The following WWOX variants were observed in gnomAD, a reference collection of about 807,000 sequenced individuals.
WWOX encodes WW domain-containing oxidoreductase.
WWOX carries 69 observed loss-of-function variants against 46.2 expected under a neutral mutation model. The observed-to-expected ratio is 1.49, with a 90% CI of 1.23 to 1.82. The LOEUF is 1.82. WWOX is among the 40% of genes most tolerant of loss of function. WWOX has a pLI of 0.00. For synonymous variants in WWOX, 359 were observed against 202.6 expected (o/e 1.77, Z -6.56); for missense variants, 919 against 542.6 (o/e 1.69, Z -6.89).
intron 8 of WWOX, among the ~76,000 whole-genome samples, chr16:78,651,311 G>A (rs987184735): frequency 2.0e-5 from 3 of 152,248 alleles, no homozygotes; most frequent in African/African-American, 7.2e-5. Flanking sequence ...GGTGCCAGAA[G>A]GCTGTGGTTC....
At chr16:78,252,215 G>A (rs1399917658) in intron 5 of WWOX, among the ~76,000 whole-genome samples, 1 of 152,180 alleles carries the variant, frequency 6.6e-6, no homozygotes. Flanking sequence ...ACAAATAGCA[G>A]ATGGGTTAGA....
At chr16:78,559,336 A>G (rs571475116) in intron 8 of WWOX, among the ~76,000 whole-genome samples, 1 of 152,196 alleles carries the variant, frequency 6.6e-6, no homozygotes, top group Non-Finnish European at 1.5e-5. Context: ...GGGCTCCTAG[A>G]ATAGTCCCGG....
At chr16:78,125,674 C>T (rs768545766) in intron 4 of WWOX, among the ~76,000 whole-genome samples, 2 of 152,016 alleles carry the variant, frequency 1.3e-5, no homozygotes, top group Non-Finnish European at 2.9e-5. Flanking sequence ...GCAGCCTGGG[C>T]AACATAGCAA....
intron 4 of WWOX, among the ~76,000 whole-genome samples, chr16:78,147,675 C>CTTT (rs33931881): frequency 4.7e-4 from 43 of 90,622 alleles, no homozygotes; most frequent in African/African-American, 1.2e-3. Context: ...TTCTTTCTTC[C>CTTT]TTTTTTTTTT....
chr16:78,743,446 G>A (rs1001596554), intron 8 of WWOX, among the ~76,000 whole-genome samples: 1 of 151,754 alleles, frequency 6.6e-6, no homozygotes, highest in Non-Finnish European at 1.5e-5. Context: ...CTACCCTCAA[G>A]AAGCATCATT....
Position 78,667,076 on chromosome 16 carries a change from G to C in WWOX, c.1056+234324G>C, listed in dbSNP as rs79016426. ...ATGGTCAGAGGAGTTTTGAGTATCG[G>C]ATCTTTGTGTACTTGCTTTTTAAAT... On this transcript the variant is annotated intron_variant, in intron 8 of 8. Coordinates refer to ENST00000566780, the MANE Select transcript of WWOX (RefSeq NM_016373.4). Among the ~76,000 whole-genome samples, 334 of 152,256 alleles carry C rather than the reference G, an allele frequency of 2.2e-3. 1 individual carries two copies. The highest frequency in any genetic ancestry group is 7.7e-3 in the African/African-American group (320 of 41,556).
chr16:79,048,156 C>A (rs371750576), intron 8 of WWOX, among the ~76,000 whole-genome samples: 2 of 152,184 alleles, frequency 1.3e-5, no homozygotes, highest in African/African-American at 4.8e-5. Context: ...CATGGAGAAG[C>A]TTCCTTCAAA....
chr16:78,991,366 G>A (rs1404606979), intron 8 of WWOX, among the ~76,000 whole-genome samples: 8 of 152,058 alleles, frequency 5.3e-5, no homozygotes, highest in African/African-American at 1.7e-4. Context: ...GGCTGAGATG[G>A]GAGGATCACT....
At chr16:78,591,505 T>C (rs1246842346) in intron 8 of WWOX, among the ~76,000 whole-genome samples, 1 of 152,188 alleles carries the variant, frequency 6.6e-6, no homozygotes, top group African/African-American at 2.4e-5. Flanking sequence ...CCTCACTTTA[T>C]AGTCCTCATT....
chr16:78,228,636 C>G (rs764965337), intron 5 of WWOX, among the ~76,000 whole-genome samples: 3 of 152,220 alleles, frequency 2.0e-5, no homozygotes, highest in Non-Finnish European at 4.4e-5. Flanking sequence ...GCCACTGTAT[C>G]TGGCCTAGGA....
chr16:78,824,386 C>G (rs984953441), intron 8 of WWOX, among the ~76,000 whole-genome samples: 2 of 152,172 alleles, frequency 1.3e-5, no homozygotes, highest in African/African-American at 4.8e-5. Flanking sequence ...CTCTACAACT[C>G]TGTTTTCCTC....
intron 8 of WWOX, among the ~76,000 whole-genome samples, chr16:78,489,560 G>A (rs779666795): frequency 6.6e-6 from 1 of 152,032 alleles, no homozygotes; most frequent in Non-Finnish European, 1.5e-5. Context: ...TAACACAAAT[G>A]TTACATGTTT....
At chr16:78,998,646 A>T (rs2151359058) in intron 8 of WWOX, among the ~76,000 whole-genome samples, 1 of 152,310 alleles carries the variant, frequency 6.6e-6, no homozygotes, top group Non-Finnish European at 1.5e-5. Context: ...GATGACTTTG[A>T]TGTGTGTAGG....
chr16:78,523,760 T>C (rs948113361), intron 8 of WWOX, among the ~76,000 whole-genome samples: 9 of 152,118 alleles, frequency 5.9e-5, no homozygotes, highest in Non-Finnish European at 1.0e-4. Context: ...CAGCACAACG[T>C]CTGATTTATG....
chr16:78,583,175 T>C (rs533871128), intron 8 of WWOX, among the ~76,000 whole-genome samples: 1 of 152,306 alleles, frequency 6.6e-6, no homozygotes, highest in South Asian at 2.1e-4. Flanking sequence ...ATGCAAAGTC[T>C]TTAAAGATGT....
intron 5 of WWOX, among the ~76,000 whole-genome samples, chr16:78,198,786 TTA>T (rs138131193): frequency 3.8e-4 from 57 of 150,814 alleles, no homozygotes; most frequent in South Asian, 1.7e-3. Context: ...TGTAAACATT[TTA>T]TATATATATA....
intron 8 of WWOX, among the ~76,000 whole-genome samples, chr16:78,626,866 C>G (rs939090857): frequency 6.6e-6 from 1 of 152,088 alleles, no homozygotes; most frequent in African/African-American, 2.4e-5. Flanking sequence ...TAATCCTATA[C>G]TACTTTATTT....
At chr16:78,500,544 T>G (rs969949316) in intron 8 of WWOX, among the ~76,000 whole-genome samples, 1 of 152,066 alleles carries the variant, frequency 6.6e-6, no homozygotes, top group African/African-American at 2.4e-5. Flanking sequence ...ATGTGCCAGG[T>G]GCATGCTGCT....
At chr16:79,142,674 A>G (rs1478461509) in intron 8 of WWOX, among the ~76,000 whole-genome samples, 4 of 152,182 alleles carry the variant, frequency 2.6e-5, no homozygotes, top group Non-Finnish European at 4.4e-5. Context: ...TAGAAATATA[A>G]GAAGTGCCTG....
Sources: gnomAD v4.1 joint callset for allele counts (sites outside exome capture counted in the v4.1 genomes callset) on GRCh38, gnomAD v4.1.1 for gene constraint, MANE v1.5 for transcripts, NCBI Gene and HGNC (gene_info 2026-07-23, HGNC 2026-07-21) for gene names.